FGF2: variants seen among roughly 807,000 people sequenced by gnomAD.
The protein encoded by FGF2 is fibroblast growth factor 2.
FGF2 carries 13 observed loss-of-function variants against 15.9 expected under a neutral mutation model. That is an observed-to-expected ratio of 0.82 (90% confidence interval 0.53 to 1.30). FGF2 has a LOEUF of 1.30. Ranked by LOEUF, FGF2 falls within the 50% of genes most tolerant of loss-of-function variation. The probability of loss-of-function intolerance (pLI) is 0.00; values close to 1 mark genes in which losing one functional copy is unlikely to be tolerated. For synonymous variants in FGF2, 90 were observed against 78.4 expected (o/e 1.15, Z -0.78); for missense variants, 163 against 196.9 (o/e 0.83, Z 1.03).
intron 1 of FGF2, among the ~76,000 whole-genome samples, chr4:122,842,337 G>A (rs988915501): frequency 1.3e-5 from 2 of 152,178 alleles, no homozygotes; most frequent in Admixed American, 6.5e-5. Context: ...TCTGAGGAGA[G>A]GGTGCATAGC....
intron 1 of FGF2, among the ~76,000 whole-genome samples, chr4:122,841,348 A>G (rs1360073278): frequency 1.3e-5 from 2 of 152,102 alleles, no homozygotes; most frequent in African/African-American, 4.8e-5. Flanking sequence ...CTTAGGCCAT[A>G]TTTTTCATGA....
chr4:122,890,667 G>T (rs1727148920), intron 2 of FGF2, among the ~76,000 whole-genome samples: 1 of 151,966 alleles, frequency 6.6e-6, no homozygotes. Context: ...GTCACAGTTT[G>T]TGCCATTGTT....
intron 1 of FGF2, among the ~76,000 whole-genome samples, chr4:122,852,249 A>G (rs1726249026): frequency 6.6e-6 from 1 of 152,202 alleles, no homozygotes; most frequent in Non-Finnish European, 1.5e-5. Flanking sequence ...TCACGGGGAC[A>G]AGAATATCTG....
At chr4:122,864,597 T>A (rs1274859337) in intron 1 of FGF2, among the ~76,000 whole-genome samples, 2 of 152,254 alleles carry the variant, frequency 1.3e-5, no homozygotes, top group Non-Finnish European at 2.9e-5. Context: ...TTTTGGGTGA[T>A]ACGTCTCCAA....
At chr4:122,880,303 G>A (rs1168471148) in intron 2 of FGF2, among the ~76,000 whole-genome samples, 1 of 148,630 alleles carries the variant, frequency 6.7e-6, no homozygotes, top group East Asian at 2.0e-4. Flanking sequence ...CTGGAGTGCA[G>A]TGGCATGATC....
At chr4:122,833,983 T>C (rs1171931857) in intron 1 of FGF2, among the ~76,000 whole-genome samples, 3 of 152,238 alleles carry the variant, frequency 2.0e-5, no homozygotes, top group Non-Finnish European at 4.4e-5. Flanking sequence ...ATTTTTATCA[T>C]GTACTATTGT....
chr4:122,860,546 C>T (rs1726440743), intron 1 of FGF2, among the ~76,000 whole-genome samples: 1 of 151,284 alleles, frequency 6.6e-6, no homozygotes, highest in South Asian at 2.1e-4. Flanking sequence ...CCTCCACCCA[C>T]CCAGGCTCCA....
chr4:122,833,303 C>T (rs1054925295), intron 1 of FGF2, among the ~76,000 whole-genome samples: 3 of 151,878 alleles, frequency 2.0e-5, no homozygotes, highest in African/African-American at 7.3e-5. Flanking sequence ...CACAGATTTT[C>T]AAGGTATTTT....
At chr4:122,826,762 G>C (rs780399886), upstream of FGF2, 1 of 1,321,888 alleles carries the variant, frequency 7.6e-7, no homozygotes, top group East Asian at 3.1e-5. Context: ...GAGGAGAACT[G>C]GGGGCGCGGG....
Position 122,893,166 on chromosome 4 carries a change from C to T in FGF2, c.*770C>T, listed in dbSNP as rs201458145. 6.5e-5 allele frequency: 105 copies of T among 1,614,082 alleles called. No individual in the cohort carries two copies. Among genetic ancestry groups the T allele is most frequent in the East Asian group, 8.9e-5 (4 of 44,888 alleles). On this transcript the variant is annotated 3_prime_UTR_variant, in exon 3 of 3. Coordinates refer to ENST00000644866, the MANE Select transcript of FGF2 (RefSeq NM_001361665.2). ...GTGTGCTGTTGCCGAATACTCAGGA[C>T]GGACCTGAATTCTGATTTTATACCA...
intron 1 of FGF2, among the ~76,000 whole-genome samples, chr4:122,850,775 A>C (rs1374182942): frequency 6.6e-6 from 1 of 152,104 alleles, no homozygotes; most frequent in East Asian, 1.9e-4. Context: ...GGAGCAAAAA[A>C]ACCAACATGA....
At chr4:122,841,185 C>T (rs1006936925) in intron 1 of FGF2, among the ~76,000 whole-genome samples, 3 of 152,232 alleles carry the variant, frequency 2.0e-5, no homozygotes, top group African/African-American at 7.2e-5. Context: ...TTAGGCCAGG[C>T]TCCAACAGCT....
intron 1 of FGF2, among the ~76,000 whole-genome samples, chr4:122,866,233 TG>T (rs1726577013): frequency 2.0e-5 from 3 of 152,050 alleles, no homozygotes. Context: ...CCGGGCGTGG[TG>T]GCGGGCGCCT....
chr4:122,826,711 C>T, upstream of FGF2: 1 of 1,255,016 alleles, frequency 8.0e-7, no homozygotes, highest in East Asian at 3.2e-5. Context: ...CAGAGGCCGG[C>T]CCCAGAAAAC....
intron 1 of FGF2, among the ~76,000 whole-genome samples, chr4:122,848,164 G>A (rs191980274): frequency 1.4e-4 from 21 of 152,258 alleles, no homozygotes; most frequent in African/African-American, 5.1e-4. Flanking sequence ...CCTAACAGAG[G>A]TACTAGACTG....
At chr4:122,833,179 A>ATGTGTGTGTGTGTGTG (rs139686023) in intron 1 of FGF2, among the ~76,000 whole-genome samples, 212 of 149,054 alleles carry the variant, frequency 1.4e-3, no homozygotes, top group South Asian at 4.7e-3. Flanking sequence ...TGTATAATGG[A>ATGTGTGTGTGTGTGTG]TGTGTGTGTG....
At chr4:122,848,138 C>T (rs1726154233) in intron 1 of FGF2, among the ~76,000 whole-genome samples, 1 of 152,188 alleles carries the variant, frequency 6.6e-6, no homozygotes, top group Non-Finnish European at 1.5e-5. Flanking sequence ...GCCCCAAGGA[C>T]ACGGGTCAGA....
intron 1 of FGF2, among the ~76,000 whole-genome samples, chr4:122,848,963 G>A (rs865855782): frequency 3.9e-5 from 6 of 152,146 alleles, no homozygotes; most frequent in South Asian, 4.2e-4. Flanking sequence ...TGCTGGGCCA[G>A]GAGCAGAGAG....
chr4:122,853,884 ATATT>A (rs1229700883), intron 1 of FGF2, among the ~76,000 whole-genome samples: 1 of 152,250 alleles, frequency 6.6e-6, no homozygotes, highest in Non-Finnish European at 1.5e-5. Context: ...ACGTTCTTAT[ATATT>A]AAATGGAGAG....
Sources: gnomAD v4.1 joint callset for allele counts (sites outside exome capture counted in the v4.1 genomes callset) on GRCh38, gnomAD v4.1.1 for gene constraint, MANE v1.5 for transcripts, NCBI Gene and HGNC (gene_info 2026-07-23, HGNC 2026-07-21) for gene names.